Variants in SLC8A1 observed in about 807,000 individuals in gnomAD.
SLC8A1 encodes sodium/calcium exchanger 1.
Under a neutral mutation model 68.3 loss-of-function variants are expected in SLC8A1, and 18 were observed. That is an observed-to-expected ratio of 0.26 (90% CI 0.18 to 0.39). The LOEUF is 0.39. SLC8A1 is among the 10% of genes least tolerant of loss of function. The probability of loss-of-function intolerance (pLI) is 1.00; values close to 1 mark genes in which losing one functional copy is unlikely to be tolerated. For missense variants in SLC8A1, 985 were observed against 1,156.7 expected, an observed-to-expected ratio of 0.85 and a Z score of 2.15; for synonymous variants, 475 against 415.5, an observed-to-expected ratio of 1.14 and a Z score of -1.74.
intron 2 of SLC8A1, among the ~76,000 whole-genome samples, chr2:40,191,057 T>TA (rs1395497044): frequency 6.6e-6 from 1 of 152,180 alleles, no homozygotes; most frequent in African/African-American, 2.4e-5. Context: ...GGTAAGCTTG[T>TA]AGGCATAGTT....
chr2:40,408,698 G>A (rs1691148393), intron 2 of SLC8A1, among the ~76,000 whole-genome samples: 1 of 152,110 alleles, frequency 6.6e-6, no homozygotes, highest in African/African-American at 2.4e-5. Flanking sequence ...CACAACAGTG[G>A]TAAAACAGCA....
At chr2:40,169,349 G>A (rs1381982408) in intron 4 of SLC8A1, among the ~76,000 whole-genome samples, 1 of 151,842 alleles carries the variant, frequency 6.6e-6, no homozygotes, top group African/African-American at 2.4e-5. Flanking sequence ...TCAGAACTAT[G>A]CTGACAAGTC....
intron 2 of SLC8A1, among the ~76,000 whole-genome samples, chr2:40,335,158 T>C (rs1575495669): frequency 1.3e-5 from 2 of 152,218 alleles, no homozygotes; most frequent in Non-Finnish European, 2.9e-5. Flanking sequence ...GATATAGATA[T>C]ACAATATCCG....
At chr2:40,297,499 A>G (rs142822046) in intron 2 of SLC8A1, among the ~76,000 whole-genome samples, 4 of 152,342 alleles carry the variant, frequency 2.6e-5, no homozygotes, top group African/African-American at 9.6e-5. Context: ...GTAACTCAGT[A>G]GTTTTCTGGA....
At chr2:40,444,271 A>C (rs1220117801) in intron 1 of SLC8A1, among the ~76,000 whole-genome samples, 2 of 152,138 alleles carry the variant, frequency 1.3e-5, no homozygotes, top group African/African-American at 4.8e-5. Context: ...CCTAGGAGGT[A>C]GAGACAGCAG....
intron 2 of SLC8A1, among the ~76,000 whole-genome samples, chr2:40,184,147 G>A (rs1482651104): frequency 6.6e-6 from 1 of 152,146 alleles, no homozygotes; most frequent in African/African-American, 2.4e-5. Context: ...CTGCACTCCA[G>A]AACTGCGAGA....
At chr2:40,468,141 C>T (rs1001545690) in intron 1 of SLC8A1, among the ~76,000 whole-genome samples, 1 of 151,932 alleles carries the variant, frequency 6.6e-6, no homozygotes, top group South Asian at 2.1e-4. Flanking sequence ...TACATTATAC[C>T]TTACACACAA....
At chr2:40,317,405 C>A (rs1054289857) in intron 2 of SLC8A1, among the ~76,000 whole-genome samples, 1 of 152,036 alleles carries the variant, frequency 6.6e-6, no homozygotes, top group African/African-American at 2.4e-5. Flanking sequence ...AATTCTGACT[C>A]ATGTCAACAA....
intron 2 of SLC8A1, among the ~76,000 whole-genome samples, chr2:40,314,839 T>C (rs868706309): frequency 6.6e-6 from 1 of 152,086 alleles, no homozygotes; most frequent in Non-Finnish European, 1.5e-5. Flanking sequence ...TTTCTGCATA[T>C]TAATCTTGTA....
At chr2:40,154,454 C>T (rs1227140970) in intron 6 of SLC8A1, among the ~76,000 whole-genome samples, 3 of 149,054 alleles carry the variant, frequency 2.0e-5, no homozygotes, top group African/African-American at 7.4e-5. Context: ...CAGGCACCTG[C>T]CACCATGCCC....
At chr2:40,340,938 C>T (rs755530343) in intron 2 of SLC8A1, among the ~76,000 whole-genome samples, 11 of 152,174 alleles carry the variant, frequency 7.2e-5, no homozygotes, top group Admixed American at 3.3e-4. Flanking sequence ...AATATACATT[C>T]CCATGAGAGA....
intron 2 of SLC8A1, among the ~76,000 whole-genome samples, chr2:40,299,262 G>C (rs1397534295): frequency 6.6e-6 from 1 of 152,136 alleles, no homozygotes; most frequent in African/African-American, 2.4e-5. Flanking sequence ...ATCCAGGAAA[G>C]ATGTCCACAC....
intron 2 of SLC8A1, among the ~76,000 whole-genome samples, chr2:40,266,399 C>T (rs1412359564): frequency 1.3e-5 from 2 of 152,040 alleles, no homozygotes; most frequent in African/African-American, 2.4e-5. Context: ...TTGATAAGGA[C>T]AGGTAAATTT....
At chr2:40,401,861 T>C (rs1688852160) in intron 2 of SLC8A1, among the ~76,000 whole-genome samples, 1 of 152,186 alleles carries the variant, frequency 6.6e-6, no homozygotes, top group East Asian at 1.9e-4. Flanking sequence ...ACTTTATGGG[T>C]CATGTGTCTA....
At chr2:40,189,712 A>G (rs2051389236) in intron 2 of SLC8A1, 1 of 152,194 alleles carries the variant, frequency 6.6e-6, no homozygotes, top group Non-Finnish European at 1.5e-5. Flanking sequence ...ACTAGAAATT[A>G]ACATTTTAAA....
chr2:40,361,442 T>A (rs540220268), intron 2 of SLC8A1, among the ~76,000 whole-genome samples: 1 of 150,586 alleles, frequency 6.6e-6, no homozygotes, highest in South Asian at 2.1e-4. Context: ...GTTATGCACA[T>A]TAGTAGAGCT....
At chr2:40,373,997 G>C (rs1365436251) in intron 2 of SLC8A1, among the ~76,000 whole-genome samples, 2 of 152,136 alleles carry the variant, frequency 1.3e-5, no homozygotes, top group African/African-American at 4.8e-5. Context: ...AGAGGTATCA[G>C]ATACACTCCT....
intron 2 of SLC8A1, among the ~76,000 whole-genome samples, chr2:40,262,748 G>A (rs941091284): frequency 1.3e-5 from 2 of 152,156 alleles, no homozygotes; most frequent in Admixed American, 1.3e-4. Flanking sequence ...GTTGGAACTG[G>A]TGGGCACGGA....
intron 2 of SLC8A1, among the ~76,000 whole-genome samples, chr2:40,310,594 G>C (rs1042579303): frequency 2.1e-4 from 32 of 152,118 alleles, no homozygotes; most frequent in Admixed American, 2.1e-3. Context: ...TGTCACAGAA[G>C]CATAGAATAT....
Sources: gnomAD v4.1 joint callset for allele counts (sites outside exome capture counted in the v4.1 genomes callset) on GRCh38, gnomAD v4.1.1 for gene constraint, MANE v1.5 for transcripts, NCBI Gene and HGNC (gene_info 2026-07-23, HGNC 2026-07-21) for gene names.